The following DPH5 variants were observed in gnomAD, a reference collection of about 807,000 sequenced individuals.
DPH5 encodes the protein diphthamide biosynthesis 5.
A neutral mutation model predicts 31.6 loss-of-function variants in DPH5; 31 were observed. That is an observed-to-expected ratio of 0.98 (90% CI 0.74 to 1.32). DPH5 has a LOEUF of 1.32. DPH5 is among the 40% of genes most tolerant of loss of function. The pLI, the probability that DPH5 is intolerant of heterozygous loss-of-function variation, is 0.00. For synonymous variants in DPH5, 120 were observed against 115.0 expected, an observed-to-expected ratio of 1.04 and a Z score of -0.28; for missense variants, 309 against 335.7, an observed-to-expected ratio of 0.92 and a Z score of 0.62.
chr1:101,021,817 A>ACACACAC, intron 2 of DPH5, 52 bp from the exon 3 acceptor site: 2 of 737,888 alleles, frequency 2.7e-6, no homozygotes, highest in Admixed American at 5.8e-5. Flanking sequence ...TGACCATTCT[A>ACACACAC]ACACACACAC....
chr1:100,990,948 C>G (rs1050770729), intron 7 of DPH5, among the ~76,000 whole-genome samples: 3 of 152,154 alleles, frequency 2.0e-5, no homozygotes, highest in Non-Finnish European at 4.4e-5. Context: ...TCTGAGTAAA[C>G]AATGTTTATT....
rs539828388 is a variant in DPH5, at chr1:101,025,316, T to A, written c.128A>T (p.Glu43Val). ...GGAACGCTCAGCACCTACCAAGGCT[T>A]CCTTCCCTACAGTTAGGACTGAGGT... ...AYTSVLTVGK[E>V]ALEEFYGRKL... Residue 43 changes from glutamate to valine, a missense_variant, in exon 2 of 8, where the codon GAA becomes GTA. Coordinates refer to ENST00000370109, the MANE Select transcript of DPH5 (RefSeq NM_015958.3). The A allele has an allele frequency of 1.2e-6, 2 of 1,614,114 alleles. No homozygotes were observed. The highest frequency in any genetic ancestry group is 2.2e-5 in the South Asian group (2 of 91,080).
intron 4 of DPH5, among the ~76,000 whole-genome samples, chr1:101,004,280 T>C (rs1659068021): frequency 6.6e-6 from 1 of 152,184 alleles, no homozygotes. Flanking sequence ...ACCAGTTCTT[T>C]GTGTTTCACA....
At chr1:101,020,706 C>T (rs922701780) in intron 3 of DPH5, among the ~76,000 whole-genome samples, 3 of 152,100 alleles carry the variant, frequency 2.0e-5, no homozygotes, top group Non-Finnish European at 2.9e-5. Flanking sequence ...TTTCAAGTGA[C>T]ACTACCAACC....
intron 4 of DPH5, among the ~76,000 whole-genome samples, chr1:101,003,251 C>T (rs1658999790): frequency 6.6e-6 from 1 of 152,180 alleles, no homozygotes; most frequent in Admixed American, 6.6e-5. Flanking sequence ...GGAATATGTT[C>T]ACTCTGTGCC....
In DPH5 at chr1:100,995,158, A is replaced by G; in HGVS notation, c.491-9T>C. 2.6e-6 allele frequency: 4 copies of G among 1,550,410 alleles called. No individual in the cohort carries two copies. The highest frequency in any genetic ancestry group is 3.6e-6 in the Non-Finnish European group (4 of 1,124,138). Reference sequence around the variant, plus strand: ...CTCCTTTACTTTGATGTCTGTAGGAAGTAAAAATAGTTCTTTTAATTTAAT... The same window carrying G: ...CTCCTTTACTTTGATGTCTGTAGGAGGTAAAAATAGTTCTTTTAATTTAAT... On this transcript the variant is annotated splice_polypyrimidine_tract_variant and intron_variant, in intron 5 of 7. Transcript: ENST00000370109.
intron 3 of DPH5, among the ~76,000 whole-genome samples, chr1:101,017,387 G>C (rs892167815): frequency 2.0e-5 from 3 of 152,182 alleles, no homozygotes; most frequent in African/African-American, 7.2e-5. Flanking sequence ...ATTAGGATGT[G>C]TGTATGCGTA....
rs914127985 is a variant in DPH5 at position 101,025,753 on chromosome 1, C to A, written c.-94G>T. On this transcript the variant is annotated 5_prime_UTR_variant, in exon 1 of 8. Transcript: ENST00000370109. ...AACTACCACCTTTCCGCAGAAGCAACTGCAAAAGCGCCGGCTCCGTGCAGA... is the reference window on the plus strand; with the variant it reads ...AACTACCACCTTTCCGCAGAAGCAAATGCAAAAGCGCCGGCTCCGTGCAGA... 9.4e-6 allele frequency: 3 copies of A among 319,104 alleles called. No homozygotes were observed. Among genetic ancestry groups the A allele is most frequent in the Non-Finnish European group, 1.8e-5 (3 of 170,008 alleles). The allele number at this position is 319,104 out of a possible 1,614,324, so 19.8% of individuals were successfully genotyped here.
At chr1:101,005,840 T>C (rs1206140384) in intron 4 of DPH5, among the ~76,000 whole-genome samples, 2 of 152,126 alleles carry the variant, frequency 1.3e-5, no homozygotes, top group Non-Finnish European at 2.9e-5. Flanking sequence ...ATGGCTTGGC[T>C]GTGTCCCCAA....
intron 5 of DPH5, among the ~76,000 whole-genome samples, chr1:100,997,232 C>A (rs959891415): frequency 6.6e-6 from 1 of 152,224 alleles, no homozygotes; most frequent in African/African-American, 2.4e-5. Context: ...CACGTCTACA[C>A]TTCCTTAGTA....
intron 3 of DPH5, among the ~76,000 whole-genome samples, chr1:101,020,616 C>T (rs1187308502): frequency 2.0e-5 from 3 of 151,834 alleles, no homozygotes; most frequent in African/African-American, 7.3e-5. Context: ...CTAGCAGCAG[C>T]TAACTGCCTA....
intron 7 of DPH5, among the ~76,000 whole-genome samples, chr1:100,992,376 T>C (rs1657837181): frequency 6.6e-6 from 1 of 152,156 alleles, no homozygotes; most frequent in Non-Finnish European, 1.5e-5. Flanking sequence ...ATATCAAATG[T>C]GACTTATGTT....
At chr1:101,010,117 C>A (rs1275154232) in intron 4 of DPH5, among the ~76,000 whole-genome samples, 17 of 152,194 alleles carry the variant, frequency 1.1e-4, no homozygotes, top group Admixed American at 1.1e-3. Flanking sequence ...AAAATAGAAT[C>A]TCTTTGAGAG....
At chr1:101,015,859 T>C (rs1168397222) in intron 3 of DPH5, among the ~76,000 whole-genome samples, 1 of 152,208 alleles carries the variant, frequency 6.6e-6, no homozygotes, top group African/African-American at 2.4e-5. Context: ...ACAATTTTTC[T>C]GCAGCTTCCT....
intron 4 of DPH5, among the ~76,000 whole-genome samples, chr1:101,009,723 T>C (rs988840555): frequency 2.0e-5 from 3 of 152,220 alleles, no homozygotes; most frequent in Non-Finnish European, 2.9e-5. Flanking sequence ...TTATACTGCT[T>C]AAAACCCTTC....
In DPH5 at chr1:101,003,913, T is replaced by C. The variant is rs78312592; in HGVS notation, c.370-2326A>G. Among the ~76,000 whole-genome samples the C allele has an allele frequency of 2.7e-3, 412 of 152,248 alleles. 6 individuals carry two copies. The highest frequency in any genetic ancestry group is 9.7e-3 in the African/African-American group (401 of 41,540). On this transcript the variant is annotated intron_variant, in intron 4 of 7. Coordinates refer to ENST00000370109, the MANE Select transcript of DPH5 (RefSeq NM_015958.3). ...CCATAAAAAAGCTTCAAGGTAAAAC[T>C]GTTAAAAAAATTATATATGCAATAA... is the stretch of plus-strand genomic sequence containing the variant.
chr1:101,006,757 G>T (rs929368544), intron 4 of DPH5, among the ~76,000 whole-genome samples: 1 of 152,052 alleles, frequency 6.6e-6, no homozygotes. Context: ...GAGAGGAAAT[G>T]AGTTGTTACT....
chr1:101,006,072 ATAATTGTAAG>A (rs1250358267), intron 4 of DPH5, among the ~76,000 whole-genome samples: 1 of 152,202 alleles, frequency 6.6e-6, no homozygotes, highest in Admixed American at 6.5e-5. Flanking sequence ...CCCTACAGAC[ATAATTGTAAG>A]TGTTCTGAGG....
chr1:101,001,121 G>A (rs1658832588), intron 5 of DPH5, among the ~76,000 whole-genome samples: 1 of 152,202 alleles, frequency 6.6e-6, no homozygotes, highest in South Asian at 2.1e-4. Context: ...CTAGGAAGAT[G>A]CAGGATGGTC....
Sources: allele counts gnomAD v4.1 joint callset (sites outside exome capture counted in the v4.1 genomes callset), GRCh38; gene constraint gnomAD v4.1.1; transcripts MANE v1.5; gene names NCBI Gene and HGNC (gene_info 2026-07-23, HGNC 2026-07-21).